MYEF2: variants seen among roughly 807,000 people sequenced by gnomAD.
MYEF2 encodes myelin expression factor 2.
In MYEF2, 37 loss-of-function variants were observed where a neutral mutation model predicts 75.2. That is an observed-to-expected ratio of 0.49 (90% CI 0.38 to 0.65). MYEF2 has a LOEUF of 0.65. MYEF2 is among the 30% of genes least tolerant of loss of function. MYEF2 has a pLI of 0.00. For missense variants in MYEF2, 634 were observed against 771.4 expected (o/e 0.82, Z 2.11); for synonymous variants, 195 against 241.6 (o/e 0.81, Z 1.79).
chr15:48,155,017 G>A (rs903890237), intron 9 of MYEF2, among the ~76,000 whole-genome samples: 4 of 151,934 alleles, frequency 2.6e-5, no homozygotes, highest in Non-Finnish European at 5.9e-5. Context: ...CAAGATAGGA[G>A]TAAAATAAGT....
In MYEF2 at chr15:48,158,880, T is replaced by G. The variant is rs770368223; in HGVS notation, c.760A>C (p.Ser254Arg). ...GCCCGCTTCACAGTTCCAGCTATGCTGAACACTTCCTTTAGCTTCTTCCAA... is the reference window on the plus strand; with the variant it reads ...GCCCGCTTCACAGTTCCAGCTATGCGGAACACTTCCTTTAGCTTCTTCCAA... ...VGWKKLKEVF[S>R]IAGTVKRADI... is the part of the protein sequence containing the mutation. The change falls in exon 7 of 17, where the codon AGC becomes CGC. Residue 254 changes from serine to arginine, a missense_variant. Transcript: ENST00000324324. The G allele has an allele frequency of 6.2e-7, 1 of 1,613,618 alleles. No individual in the cohort carries two copies. Among genetic ancestry groups the G allele is most frequent in the Admixed American group, 1.7e-5 (1 of 59,950 alleles).
intron 9 of MYEF2, chr15:48,157,032 T>A (rs1202819046): frequency 6.6e-6 from 1 of 152,114 alleles, no homozygotes; most frequent in African/African-American, 2.4e-5. Context: ...ACAACAAATA[T>A]GGCATATGAT....
chr15:48,170,123 T>C (rs75168070), intron 1 of MYEF2, among the ~76,000 whole-genome samples: 2,734 of 151,480 alleles, frequency 0.018, 36 homozygotes, highest in Non-Finnish European at 0.028. Flanking sequence ...TTTGTTGCTG[T>C]TGTTGTTGTT....
intron 3 of MYEF2, 42 bp from the exon 4 acceptor site, chr15:48,166,170 AG>A: frequency 6.7e-7 from 1 of 1,499,988 alleles, no homozygotes. Flanking sequence ...AAAGAAAAAA[AG>A]TTTTAGATCA....
Position 48,138,556 on chromosome 15 carries a change from T to C in MYEF2, c.*4352A>G, listed in dbSNP as rs75179742. The C allele has an allele frequency of 3.5e-3, 560 of 159,130 alleles. 3 individuals carry two copies. Among genetic ancestry groups the C allele is most frequent in the African/African-American group, 0.013 (544 of 41,706 alleles). 9.9% of individuals were successfully genotyped at this position (159,130 alleles called of 1,614,324 possible). ...CTTTAAGTATACATTATCTGGTACA[T>C]AGGGCAGGCAGAGGCATCATCAATA... On this transcript the variant is annotated 3_prime_UTR_variant, in exon 17 of 17. Coordinates refer to ENST00000324324, the MANE Select transcript of MYEF2 (RefSeq NM_016132.5).
intron 5 of MYEF2, among the ~76,000 whole-genome samples, chr15:48,161,546 TA>T (rs1402004376): frequency 1.3e-5 from 2 of 151,600 alleles, no homozygotes; most frequent in Non-Finnish European, 2.9e-5. Flanking sequence ...TTTTTTCTCT[TA>T]AAAAAGTTAA....
Position 48,151,866 on chromosome 15 carries a change from T to C in MYEF2, c.1207+8A>G, listed in dbSNP as rs1388700259. On this transcript the variant is annotated splice_region_variant and intron_variant, in intron 12 of 16. Transcript: ENST00000324324. ...TGCACACACTTCCCACTGCATACAT[T>C]TACCTACCTCCCATTCGGCCAACTC... The C allele has an allele frequency of 6.2e-7, 1 of 1,612,928 alleles. No homozygotes were observed. Among genetic ancestry groups the C allele is most frequent in the Non-Finnish European group, 8.5e-7 (1 of 1,179,126 alleles).
Position 48,140,607 on chromosome 15 carries a change from T to C in MYEF2, c.*2301A>G, listed in dbSNP as rs2039037232. 6.6e-6 allele frequency: 1 copy of C among 152,212 alleles called. No individual in the cohort carries two copies. Among genetic ancestry groups the C allele is most frequent in the South Asian group, 2.1e-4 (1 of 4,836 alleles). 9.4% of individuals were successfully genotyped at this position (152,212 alleles called of 1,614,324 possible). On this transcript the variant is annotated 3_prime_UTR_variant, in exon 17 of 17. Transcript: ENST00000324324. The stretch of plus-strand genomic sequence containing the variant: ...TGTTTTCCTCAGAGATTAATGAACG[T>C]TCCCCCTCCCCCGCCCTGCCAAAGC...
chr15:48,158,127 TAA>T, intron 8 of MYEF2, 46 bp downstream of exon 8: 1 of 1,611,424 alleles, frequency 6.2e-7, no homozygotes, highest in East Asian at 2.2e-5. Context: ...AGAGAGCCAA[TAA>T]AAGATCTGAA....
intron 5 of MYEF2, among the ~76,000 whole-genome samples, chr15:48,161,503 C>G (rs968052736): frequency 4.0e-5 from 6 of 151,636 alleles, no homozygotes; most frequent in African/African-American, 1.5e-4. Flanking sequence ...GAATAAATCC[C>G]TCATCATTTA....
intron 16 of MYEF2, among the ~76,000 whole-genome samples, chr15:48,147,073 G>A (rs1169017945): frequency 2.0e-5 from 3 of 151,476 alleles, no homozygotes; most frequent in Non-Finnish European, 3.0e-5. Flanking sequence ...AATCGAAAAA[G>A]GATTATAAGA....
rs1282885348 is a variant in MYEF2 at position 48,149,386 on chromosome 15, A to C, written c.1379-15T>G. ...CATTCCACCACCTGGATTTTCAAGA[A>C]AGGACGGGGGGATTTGGGAATTTTG... is the stretch of plus-strand genomic sequence containing the variant. On this transcript the variant is annotated splice_polypyrimidine_tract_variant and intron_variant, in intron 14 of 16. Coordinates refer to ENST00000324324, the MANE Select transcript of MYEF2 (RefSeq NM_016132.5). This position sits in a 1 kb window ranked among gnomAD's most constrained non-coding sequence, Gnocchi z 4.0. 6.2e-7 allele frequency: 1 copy of C among 1,611,026 alleles called. No homozygotes were observed. The highest frequency in any genetic ancestry group is 1.1e-5 in the South Asian group (1 of 90,838).
intron 1 of MYEF2, among the ~76,000 whole-genome samples, chr15:48,170,816 C>T (rs1041190486): frequency 2.0e-5 from 3 of 152,168 alleles, no homozygotes; most frequent in Non-Finnish European, 4.4e-5. Flanking sequence ...GCACCTCGCA[C>T]GGTGACTGCA....
At position 48,153,772 on chromosome 15, in the gene MYEF2, G is replaced by C; in HGVS notation, c.1087+20C>G. On this transcript the variant is annotated intron_variant, in intron 10 of 16. Coordinates refer to ENST00000324324, the MANE Select transcript of MYEF2 (RefSeq NM_016132.5). ...GCATATGTATCATTTAAAAAGAAAA[G>C]AGGAAGTTAGAATACTCACCACCTG... The C allele has an allele frequency of 6.3e-7, 1 of 1,594,232 alleles. No individual in the cohort carries two copies.
chr15:48,164,148 C>A (rs2040052706), intron 5 of MYEF2, among the ~76,000 whole-genome samples: 2 of 152,252 alleles, frequency 1.3e-5, no homozygotes, highest in Admixed American at 1.3e-4. Flanking sequence ...TAAAAACCTT[C>A]TGGAAAGAAT....
chr15:48,137,078 C>A lies in MYEF2; in HGVS notation c.*5830G>T. 1 of 1,155,358 alleles carries A rather than the reference C, an allele frequency of 8.7e-7. No individual in the cohort carries two copies. Among genetic ancestry groups the A allele is most frequent in the Non-Finnish European group, 1.2e-6 (1 of 833,046 alleles). 71.6% of individuals were successfully genotyped at this position (1,155,358 alleles called of 1,614,324 possible). A position where few individuals can be genotyped will look rare whatever the true frequency, so the allele number is the denominator to read the frequency against. ...TTATGTAAAAAAGACTGTGAAGACT[C>A]AGAAATGATAAAGACCAAGTCCCTA... On this transcript the variant is annotated 3_prime_UTR_variant, in exon 17 of 17. Coordinates refer to ENST00000324324, the MANE Select transcript of MYEF2 (RefSeq NM_016132.5).
intron 16 of MYEF2, among the ~76,000 whole-genome samples, chr15:48,148,641 G>A (rs2039378589): frequency 6.6e-6 from 1 of 151,740 alleles, no homozygotes; most frequent in Non-Finnish European, 1.5e-5. Context: ...ATAATCCCCT[G>A]CACTATACTA....
intron 14 of MYEF2, 45 bp downstream of exon 14, chr15:48,151,055 G>A (rs1204542650): frequency 7.3e-6 from 10 of 1,360,704 alleles, no homozygotes; most frequent in Admixed American, 1.9e-5. Flanking sequence ...GTCTTTGCAA[G>A]CACTCAAATA....
intron 5 of MYEF2, chr15:48,162,985 T>C (rs2040002460): frequency 6.6e-6 from 1 of 152,088 alleles, no homozygotes; most frequent in African/African-American, 2.4e-5. Context: ...GTTGCAAGTC[T>C]CTCACTTTAA....
Sources: allele counts gnomAD v4.1 joint callset (sites outside exome capture counted in the v4.1 genomes callset), GRCh38; gene constraint gnomAD v4.1.1; non-coding constraint Gnocchi (gnomAD v3.1); transcripts MANE v1.5; gene names NCBI Gene and HGNC (gene_info 2026-07-23, HGNC 2026-07-21).